The following PBX4 variants were observed in gnomAD, a reference collection of about 807,000 sequenced individuals.
The protein encoded by PBX4 is PBX homeobox 4, also known as pre-B-cell leukemia transcription factor 4.
A neutral mutation model predicts 35.1 loss-of-function variants in PBX4; 26 were observed. The ratio of observed to expected loss-of-function variants is 0.74; its 90% CI spans 0.54 to 1.03. The LOEUF (loss-of-function observed/expected upper bound fraction) is 1.03. PBX4 is among the 50% of genes least tolerant of loss of function. PBX4 has a pLI of 0.00. For synonymous variants in PBX4, 199 were observed against 204.2 expected (o/e 0.97, Z 0.22); for missense variants, 448 against 504.3 (o/e 0.89, Z 1.07).
intron 2 of PBX4, among the ~76,000 whole-genome samples, chr19:19,588,821 C>G (rs2061507625): frequency 6.6e-6 from 1 of 152,180 alleles, no homozygotes. Context: ...AAAAGAATTT[C>G]CCAAGGAACT....
At chr19:19,569,107 G>A (rs535564512) in intron 5 of PBX4, among the ~76,000 whole-genome samples, 1 of 152,270 alleles carries the variant, frequency 6.6e-6, no homozygotes, top group East Asian at 1.9e-4. Context: ...CACCCAGGCT[G>A]GAATGCAGTG....
chr19:19,570,520 G>A (rs775325635), intron 3 of PBX4, 66 bp downstream of exon 3: 100 of 1,585,118 alleles, frequency 6.3e-5, no homozygotes, highest in Non-Finnish European at 8.5e-5. Flanking sequence ...GGTGGTTAGC[G>A]TTCCGTGTTT....
chr19:19,612,846 T>C (rs2061669856), intron 1 of PBX4, among the ~76,000 whole-genome samples: 3 of 151,936 alleles, frequency 2.0e-5, no homozygotes, highest in Non-Finnish European at 1.5e-5. Context: ...TTCTTTTTTT[T>C]TTTTCTCTGT....
At chr19:19,585,657 C>T (rs1037872168) in intron 2 of PBX4, among the ~76,000 whole-genome samples, 1 of 152,230 alleles carries the variant, frequency 6.6e-6, no homozygotes, top group Non-Finnish European at 1.5e-5. Context: ...ATAGCCTTAA[C>T]TGATGACATT....
intron 2 of PBX4, among the ~76,000 whole-genome samples, chr19:19,590,033 G>A (rs2061517024): frequency 2.0e-5 from 3 of 152,080 alleles, no homozygotes; most frequent in Non-Finnish European, 4.4e-5. Flanking sequence ...TTTTAGATAC[G>A]GCCCCTACCA....
chr19:19,581,972 G>A (rs2061457313), intron 2 of PBX4, among the ~76,000 whole-genome samples: 1 of 152,186 alleles, frequency 6.6e-6, no homozygotes, highest in Non-Finnish European at 1.5e-5. Flanking sequence ...TTCCCCAGGA[G>A]AGTGCCCTGG....
At chr19:19,618,446 C>A in intron 1 of PBX4, 65 bp downstream of exon 1, 10 of 1,327,418 alleles carry the variant, frequency 7.5e-6, no homozygotes, top group Non-Finnish European at 9.7e-6. Flanking sequence ...CACGCCCCGT[C>A]CCCTCAGCCC....
chr19:19,566,876 A>T (rs1174418735), intron 5 of PBX4, among the ~76,000 whole-genome samples: 2 of 151,948 alleles, frequency 1.3e-5, no homozygotes, highest in Non-Finnish European at 2.9e-5. Context: ...AGCCTGGCTA[A>T]TTTTTGTATT....
rs146572863 is a variant in PBX4 at position 19,601,471 on chromosome 19, T to C, written c.120-2106A>G. ...TTGGGAACTATGGTTGGCAGGATAATGGCTCCCAAAAGGGTCCACATGCTT... is the reference window on the plus strand; with the variant it reads ...TTGGGAACTATGGTTGGCAGGATAACGGCTCCCAAAAGGGTCCACATGCTT... On this transcript the variant is annotated intron_variant, in intron 1 of 7. Transcript: ENST00000251203. Among the ~76,000 whole-genome samples, 451 of 152,282 alleles carry C rather than the reference T, an allele frequency of 3.0e-3. 5 individuals are homozygous for C. In the South Asian group the frequency reaches 0.035, roughly 12 times the overall value.
intron 2 of PBX4, among the ~76,000 whole-genome samples, chr19:19,598,675 G>C (rs2061575661): frequency 6.6e-6 from 1 of 152,066 alleles, no homozygotes; most frequent in Non-Finnish European, 1.5e-5. Context: ...GCACCTCTTA[G>C]GTCTTCGACC....
chr19:19,593,390 G>A (rs1316210687), intron 2 of PBX4, among the ~76,000 whole-genome samples: 1 of 152,214 alleles, frequency 6.6e-6, no homozygotes, highest in Non-Finnish European at 1.5e-5. Flanking sequence ...GCAGGATCAG[G>A]ACCATGAACA....
chr19:19,603,429 C>A (rs974358051), intron 1 of PBX4, among the ~76,000 whole-genome samples: 12 of 152,058 alleles, frequency 7.9e-5, no homozygotes, highest in African/African-American at 2.9e-4. Flanking sequence ...CTCCTGCGGC[C>A]TCCAGAGTAG....
chr19:19,588,251 C>A (rs991755809), intron 2 of PBX4: 1 of 1,319,590 alleles, frequency 7.6e-7, no homozygotes, highest in African/African-American at 1.4e-5. Flanking sequence ...CACACAGAGC[C>A]CCGGTAAGAT....
At chr19:19,582,586 C>T (rs1435243671) in intron 2 of PBX4, among the ~76,000 whole-genome samples, 2 of 152,176 alleles carry the variant, frequency 1.3e-5, no homozygotes, top group Non-Finnish European at 2.9e-5. Flanking sequence ...GCTACCTACA[C>T]CACTCAGTAA....
chr19:19,605,233 T>C (rs1249723759), intron 1 of PBX4, among the ~76,000 whole-genome samples: 1 of 150,634 alleles, frequency 6.6e-6, no homozygotes, highest in Non-Finnish European at 1.5e-5. Context: ...CTGGCCAACG[T>C]GGTGAAACCC....
chr19:19,618,537 G>T lies in PBX4; in HGVS notation c.93C>A (p.Asp31Glu). 5 of 1,476,340 alleles carry T rather than the reference G, an allele frequency of 3.4e-6. No individual in the cohort carries two copies. The highest frequency in any genetic ancestry group is 1.3e-5 in the South Asian group (1 of 74,224). 91.5% of individuals were successfully genotyped at this position (1,476,340 alleles called of 1,614,324 possible). A position where few individuals can be genotyped will look rare whatever the true frequency, so the allele number is the denominator to read the frequency against. The change falls in exon 1 of 8, where the codon GAC (aspartate) becomes GAA (glutamate). Residue 31 changes from aspartate to glutamate, a missense_variant. By Grantham distance (45) the Asp-to-Glu change is conservative. Transcript: ENST00000251203. The stretch of plus-strand genomic sequence containing the variant: ...TGGCCTGTGCCTCGTCCAGGCTCTG[G>T]TCGGTGATGGCCATGATCTGCTGCA... Reference protein sequence around the residue: ...DVLQQIMAITDQSLDEAQARK... With the variant: ...DVLQQIMAITEQSLDEAQARK...
chr19:19,611,974 A>C (rs10412785), intron 1 of PBX4, among the ~76,000 whole-genome samples: 31 of 152,120 alleles, frequency 2.0e-4, no homozygotes, highest in African/African-American at 7.0e-4. Flanking sequence ...CTGTATCTAC[A>C]AAAAAATGTT....
intron 2 of PBX4, among the ~76,000 whole-genome samples, chr19:19,571,645 C>A (rs2061383513): frequency 6.6e-6 from 1 of 152,130 alleles, no homozygotes; most frequent in African/African-American, 2.4e-5. Flanking sequence ...AGGGTCATTC[C>A]CAGATTCTGC....
At chr19:19,585,194 G>A (rs1392289414) in intron 2 of PBX4, among the ~76,000 whole-genome samples, 4 of 151,958 alleles carry the variant, frequency 2.6e-5, no homozygotes, top group Admixed American at 2.0e-4. Context: ...GCGTGGTAGT[G>A]CACACCTGTA....
Sources: allele counts gnomAD v4.1 joint callset (sites outside exome capture counted in the v4.1 genomes callset), GRCh38; gene constraint gnomAD v4.1.1; transcripts MANE v1.5; gene names NCBI Gene and HGNC (gene_info 2026-07-23, HGNC 2026-07-21).